The following DDX31 variants were observed in gnomAD, a reference collection of about 807,000 sequenced individuals.
DDX31 encodes the protein DEAD-box helicase 31, also known as ATP-dependent DNA helicase DDX31.
A neutral mutation model predicts 91.3 loss-of-function variants in DDX31; 70 were observed. The observed-to-expected ratio is 0.77, with a 90% CI of 0.63 to 0.94. The LOEUF (loss-of-function observed/expected upper bound fraction) is 0.94, where lower values mean the gene tolerates loss of function less well. DDX31 is among the 40% of genes least tolerant of loss of function. The pLI is 0.00. For synonymous variants in DDX31, 362 were observed against 350.6 expected (o/e 1.03, Z -0.36); for missense variants, 902 against 925.0 (o/e 0.98, Z 0.32).
chr9:132,663,421 G>A (rs1033647814), intron 1 of DDX31: 14 of 985,232 alleles, frequency 1.4e-5, no homozygotes, highest in African/African-American at 5.2e-5. Context: ...CCTGATTGCG[G>A]ATTACAGGCT....
intron 14 of DDX31, among the ~76,000 whole-genome samples, chr9:132,634,349 T>C (rs1188344810): frequency 6.6e-6 from 1 of 152,208 alleles, no homozygotes; most frequent in Non-Finnish European, 1.5e-5. Context: ...ATCTGTGTTC[T>C]ATCTACGCAT....
At chr9:132,650,777 T>C (rs1834134358) in intron 8 of DDX31, among the ~76,000 whole-genome samples, 1 of 152,352 alleles carries the variant, frequency 6.6e-6, no homozygotes, top group Admixed American at 6.5e-5. Flanking sequence ...TGCAGCTAAG[T>C]TGCTTTCTAC....
At position 132,663,403 on chromosome 9, in the gene DDX31, A is replaced by G. The variant is rs1835111719; in HGVS notation, c.76-708T>C. Reference sequence around the variant, plus strand: ...TGCCTTTCGAGTCTCTGAGTCCCCGAGTCTCTGCCTGATTGCGGATTACAG... The same window carrying G: ...TGCCTTTCGAGTCTCTGAGTCCCCGGGTCTCTGCCTGATTGCGGATTACAG... On this transcript the variant is annotated intron_variant, in intron 1 of 19. Coordinates refer to ENST00000372159, the MANE Select transcript of DDX31 (RefSeq NM_022779.9). 1.2e-5 allele frequency: 12 copies of G among 985,172 alleles called. 1 individual carries two copies. In the South Asian group the frequency reaches 5.2e-4, roughly 42 times the overall value. The allele number at this position is 985,172 out of a possible 1,614,324, so 61.0% of individuals were successfully genotyped here. A position where few individuals can be genotyped will look rare whatever the true frequency, so the allele number is the denominator to read the frequency against.
rs146387282 is a variant in DDX31, at chr9:132,640,608, C to T, written c.1440+1396G>A. ...ACCTTCTGGGCTCAAGTGATCCTCCCGACTCAGCCTCCTGAGTAGTTGGAA... is the reference window on the plus strand; with the variant it reads ...ACCTTCTGGGCTCAAGTGATCCTCCTGACTCAGCCTCCTGAGTAGTTGGAA... On this transcript the variant is annotated intron_variant, in intron 14 of 19. Transcript: ENST00000372159. 2.6e-3 allele frequency among the ~76,000 whole-genome samples: 393 copies of T among 152,216 alleles called. 3 individuals are homozygous for T. The highest frequency in any genetic ancestry group is 9.0e-3 in the African/African-American group (373 of 41,524).
chr9:132,661,229 A>G lies in DDX31; in HGVS notation c.431T>C (p.Leu144Ser). ...TTACCTGGTCATACTAGACATTTTT[A>G]AGACCGTATTTATTGTGGAAATCTA... ...PHLISTINTV[L>S]KMSSMTSVQK... The change falls in exon 4 of 20, where the codon TTA becomes TCA. Residue 144 changes from leucine (L) to serine (S), a missense_variant. Physicochemically the swap from Leu to Ser is moderately radical, Grantham distance 145. Coordinates refer to ENST00000372159, the MANE Select transcript of DDX31 (RefSeq NM_022779.9). The G allele has an allele frequency of 6.2e-7, 1 of 1,609,470 alleles. No homozygotes were observed. Among genetic ancestry groups the G allele is most frequent in the Non-Finnish European group, 8.5e-7 (1 of 1,177,262 alleles).
At chr9:132,661,721 T>A (rs921947980) in intron 3 of DDX31, among the ~76,000 whole-genome samples, 1 of 152,140 alleles carries the variant, frequency 6.6e-6, no homozygotes, top group African/African-American at 2.4e-5. Flanking sequence ...TTAATATATT[T>A]TTTTCTTCTT....
chr9:132,655,785 G>A (rs1834524047), intron 6 of DDX31, among the ~76,000 whole-genome samples: 1 of 152,192 alleles, frequency 6.6e-6, no homozygotes, highest in Non-Finnish European at 1.5e-5. Flanking sequence ...CAACGTTACT[G>A]CCAAAGCTAA....
chr9:132,653,494 C>CAAAAAAAAAA (rs71376648), intron 6 of DDX31, among the ~76,000 whole-genome samples: 7 of 20,658 alleles, frequency 3.4e-4, no homozygotes, highest in Admixed American at 1.2e-3. Context: ...AACTCAGTCT[C>CAAAAAAAAAA]AAAAAAAAAA....
At chr9:132,629,357 T>A (rs1832586747) in intron 16 of DDX31, among the ~76,000 whole-genome samples, 1 of 152,246 alleles carries the variant, frequency 6.6e-6, no homozygotes, top group South Asian at 2.1e-4. Flanking sequence ...CAGCATGTTT[T>A]CTGAATGAGC....
intron 17 of DDX31, among the ~76,000 whole-genome samples, chr9:132,619,453 T>C (rs898806200): frequency 2.6e-5 from 4 of 152,058 alleles, no homozygotes; most frequent in African/African-American, 9.7e-5. Flanking sequence ...GAGGACGGTG[T>C]ATGAGCGCCT....
At chr9:132,606,831 G>A (rs1007156501) in intron 19 of DDX31, among the ~76,000 whole-genome samples, 5 of 152,148 alleles carry the variant, frequency 3.3e-5, no homozygotes, top group African/African-American at 9.7e-5. Flanking sequence ...GAGGGCTAAC[G>A]GGGGTACAGA....
chr9:132,667,051 G>A (rs1835360711), intron 1 of DDX31, among the ~76,000 whole-genome samples: 1 of 151,250 alleles, frequency 6.6e-6, no homozygotes, highest in Non-Finnish European at 1.5e-5. Flanking sequence ...GTTTCACCGT[G>A]TTGGCCAGGC....
At chr9:132,628,686 A>G (rs1221079497) in intron 16 of DDX31, among the ~76,000 whole-genome samples, 1 of 152,214 alleles carries the variant, frequency 6.6e-6, no homozygotes, top group Non-Finnish European at 1.5e-5. Flanking sequence ...TTTCTTAGGA[A>G]GAGGTCATGT....
intron 5 of DDX31, among the ~76,000 whole-genome samples, chr9:132,659,136 C>A (rs1345062070): frequency 6.6e-6 from 1 of 152,158 alleles, no homozygotes; most frequent in Non-Finnish European, 1.5e-5. Flanking sequence ...TGATTGGGAG[C>A]CAGTCTGTAC....
intron 14 of DDX31, chr9:132,638,049 G>A: frequency 8.2e-7 from 1 of 1,218,050 alleles, no homozygotes; most frequent in Non-Finnish European, 1.0e-6. Flanking sequence ...GAGGAAAGCA[G>A]CACAGGTGAT....
chr9:132,637,697 C>T (rs564389848), intron 14 of DDX31, among the ~76,000 whole-genome samples: 5 of 152,272 alleles, frequency 3.3e-5, no homozygotes, highest in Middle Eastern at 6.8e-3. Context: ...GGAGAGAGTG[C>T]AGAAGCTGTC....
chr9:132,633,596 T>C (rs1298799914), intron 14 of DDX31, among the ~76,000 whole-genome samples: 1 of 152,070 alleles, frequency 6.6e-6, no homozygotes, highest in Non-Finnish European at 1.5e-5. Flanking sequence ...GTGTCTAGTA[T>C]GCTTGTGTAA....
rs1422219037 is a variant in DDX31 at position 132,647,000 on chromosome 9, G to T, written c.1026C>A (p.Asp342Glu). The T allele has an allele frequency of 6.2e-7, 1 of 1,614,196 alleles. No individual in the cohort carries two copies. The change falls in exon 12 of 20, where the codon GAC (aspartate) becomes GAA (glutamate). Residue 342 changes from aspartate to glutamate, a missense_variant. Coordinates refer to ENST00000372159, the MANE Select transcript of DDX31 (RefSeq NM_022779.9). ...TTGGGTTCAACTGGTCATGGCTCTT[G>T]TCCAGGACAGAAATACTGACTGGAT... ...LHDPVSISVL[D>E]KSHDQLNPKD... is the part of the protein sequence containing the mutation.
intron 16 of DDX31, among the ~76,000 whole-genome samples, chr9:132,628,861 A>G (rs1304246890): frequency 1.3e-5 from 2 of 152,278 alleles, no homozygotes; most frequent in Non-Finnish European, 2.9e-5. Flanking sequence ...GTTACAACAC[A>G]AAATTCTGAA....
Sources: gnomAD v4.1 joint callset for allele counts (sites outside exome capture counted in the v4.1 genomes callset) on GRCh38, gnomAD v4.1.1 for gene constraint, MANE v1.5 for transcripts, NCBI Gene and HGNC (gene_info 2026-07-23, HGNC 2026-07-21) for gene names.